The following C11orf65 variants were observed in gnomAD, a reference collection of about 807,000 sequenced individuals.
The protein encoded by C11orf65 is protein MFI.
In C11orf65, 38 loss-of-function variants were observed where a neutral mutation model predicts 35.3. That is an observed-to-expected ratio of 1.08 (90% CI 0.83 to 1.41). The LOEUF (loss-of-function observed/expected upper bound fraction) is 1.41. Among genes scored for constraint, C11orf65 ranks in the 40% most tolerant of loss-of-function variants. The pLI is 0.00. For synonymous variants in C11orf65, 105 were observed against 114.4 expected (o/e 0.92, Z 0.53); for missense variants, 370 against 367.1 (o/e 1.01, Z -0.06).
intron 6 of C11orf65, among the ~76,000 whole-genome samples, chr11:108,397,318 CAAA>C (rs375819570): frequency 2.3e-5 from 2 of 87,196 alleles, no homozygotes; most frequent in Admixed American, 1.3e-4. Context: ...GACTCTTTCT[CAAA>C]AAAAAAAAAA....
At chr11:108,396,341 C>T (rs928384226) in intron 6 of C11orf65, among the ~76,000 whole-genome samples, 1 of 151,836 alleles carries the variant, frequency 6.6e-6, no homozygotes, top group Non-Finnish European at 1.5e-5. Context: ...GATCTGCCCG[C>T]CTCCACCTCC....
At chr11:108,405,093 T>C (rs1256799921) in intron 6 of C11orf65, among the ~76,000 whole-genome samples, 1 of 152,238 alleles carries the variant, frequency 6.6e-6, no homozygotes, top group Non-Finnish European at 1.5e-5. Context: ...GTGTGCTTTT[T>C]ACTCGGGAAG....
downstream of C11orf65, among the ~76,000 whole-genome samples, chr11:108,379,199 T>G (rs1292779914): frequency 3.3e-5 from 5 of 152,162 alleles, no homozygotes; most frequent in Admixed American, 6.5e-5. Flanking sequence ...GCCGCACTAT[T>G]CACAATAGCA....
At chr11:108,378,282 G>A (rs1178368633), downstream of C11orf65, among the ~76,000 whole-genome samples, 1 of 147,786 alleles carries the variant, frequency 6.8e-6, no homozygotes, top group Non-Finnish European at 1.5e-5. Context: ...CCAAAACAGA[G>A]ATATAGATCA....
At chr11:108,412,595 G>A (rs747065000) in intron 3 of C11orf65, among the ~76,000 whole-genome samples, 15 of 152,168 alleles carry the variant, frequency 9.9e-5, no homozygotes, top group Non-Finnish European at 1.9e-4. Flanking sequence ...AATTAGCTGG[G>A]TGTGGTGGCA....
At chr11:108,377,659 G>C (rs1038890824) in intron 2 of C11orf65, among the ~76,000 whole-genome samples, 2 of 150,966 alleles carry the variant, frequency 1.3e-5, no homozygotes, top group African/African-American at 2.4e-5. Context: ...GGAAATAAAG[G>C]GTATTCAATT....
At chr11:108,395,765 C>T (rs1466632903) in intron 6 of C11orf65, among the ~76,000 whole-genome samples, 2 of 150,866 alleles carry the variant, frequency 1.3e-5, no homozygotes, top group African/African-American at 4.9e-5. Context: ...GGACTACAGG[C>T]GCCTGCCACC....
chr11:108,382,226 A>C (rs2091880727), downstream of C11orf65, among the ~76,000 whole-genome samples: 1 of 152,196 alleles, frequency 6.6e-6, no homozygotes, highest in Non-Finnish European at 1.5e-5. Flanking sequence ...CTGTTGCTTT[A>C]AGCTGCTATG....
At chr11:108,404,439 G>A (rs967299473) in intron 6 of C11orf65, among the ~76,000 whole-genome samples, 17 of 151,950 alleles carry the variant, frequency 1.1e-4, no homozygotes, top group Non-Finnish European at 1.9e-4. Context: ...ATGGAGTCTC[G>A]CTCTGTCACC....
downstream of C11orf65, among the ~76,000 whole-genome samples, chr11:108,328,085 C>T (rs540146904): frequency 2.3e-4 from 35 of 152,240 alleles, no homozygotes; most frequent in South Asian, 6.8e-3. Context: ...GCAAGTCAGC[C>T]CTTGCTCTTC....
chr11:108,387,148 C>CTTTTTTTTTTTTTT (rs1175890979), intron 7 of C11orf65, among the ~76,000 whole-genome samples: 19 of 84,388 alleles, frequency 2.3e-4, no homozygotes, highest in South Asian at 4.9e-4. Context: ...TTCTTTCTTT[C>CTTTTTTTTTTTTTT]TTTTTTTTTT....
intron 3 of C11orf65, among the ~76,000 whole-genome samples, chr11:108,417,785 G>A (rs941219048): frequency 4.6e-5 from 7 of 152,104 alleles, no homozygotes; most frequent in Non-Finnish European, 8.8e-5. Flanking sequence ...CGGGCTAGGG[G>A]AGGGACAGCA....
In C11orf65 at chr11:108,345,720, TTATA is replaced by T. The variant is rs1257766623; in HGVS notation, c.227-10432_227-10429del. ...AATTGAACACAATATTGAAAAATAA[TTATA>T]TATATTCTCTATTTAAAGGAGGTGC... On this transcript the variant is annotated intron_variant, in intron 2 of 3. Coordinates refer to the C11orf65 transcript ENST00000524755. 6.7e-7 allele frequency: 1 copy of T among 1,498,576 alleles called. No homozygotes were observed. The allele number at this position is 1,498,576 out of a possible 1,614,324, so 92.8% of individuals were successfully genotyped here.
At chr11:108,344,399 G>A (rs1433492506) in intron 2 of C11orf65, among the ~76,000 whole-genome samples, 1 of 152,144 alleles carries the variant, frequency 6.6e-6, no homozygotes, top group African/African-American at 2.4e-5. Context: ...ATAAGCATAG[G>A]CTTAGTGTTT....
At chr11:108,438,101 T>C (rs988552111) in intron 2 of C11orf65, among the ~76,000 whole-genome samples, 1 of 152,216 alleles carries the variant, frequency 6.6e-6, no homozygotes, top group African/African-American at 2.4e-5. Flanking sequence ...TAGACTCATA[T>C]ATATGTCGTC....
chr11:108,368,779 A>C (rs2091459270), intron 2 of C11orf65: 2 of 210,100 alleles, frequency 9.5e-6, no homozygotes, highest in African/African-American at 4.5e-5. Flanking sequence ...GTGTTTACCT[A>C]ATCAGTAGGT....
At chr11:108,365,836 C>G (rs2091289127) in intron 2 of C11orf65, 1 of 335,540 alleles carries the variant, frequency 3.0e-6, no homozygotes, top group African/African-American at 2.1e-5. Flanking sequence ...AGAGACCAGC[C>G]TGGCCAGTAT....
At chr11:108,359,787 A>T in intron 2 of C11orf65, among the ~76,000 whole-genome samples, 1 of 152,182 alleles carries the variant, frequency 6.6e-6, no homozygotes, top group Non-Finnish European at 1.5e-5. Flanking sequence ...TCTGGGACAC[A>T]TTCAAAGCAG....
intron 3 of C11orf65, among the ~76,000 whole-genome samples, chr11:108,428,843 A>C (rs1441530914): frequency 6.6e-6 from 1 of 152,164 alleles, no homozygotes; most frequent in Non-Finnish European, 1.5e-5. Context: ...ATACCAAAAA[A>C]CGAAACAAAA....
Sources: allele counts gnomAD v4.1 joint callset (sites outside exome capture counted in the v4.1 genomes callset), GRCh38; gene constraint gnomAD v4.1.1; transcripts MANE v1.5; gene names NCBI Gene and HGNC (gene_info 2026-07-23, HGNC 2026-07-21).